The following TTC28 variants were observed in gnomAD, a reference collection of about 807,000 sequenced individuals.
The protein encoded by TTC28 is tetratricopeptide repeat domain 28.
Under a neutral mutation model 198.0 loss-of-function variants are expected in TTC28, and 61 were observed. That is an observed-to-expected ratio of 0.31 (90% CI 0.25 to 0.38). TTC28 has a LOEUF of 0.38. Among genes scored for constraint, TTC28 ranks in the 10% least tolerant of loss-of-function variants. The probability of loss-of-function intolerance (pLI) is 1.00; values close to 1 mark genes in which losing one functional copy is unlikely to be tolerated. For missense variants in TTC28, 2,678 were observed against 3,164.0 expected (o/e 0.85, Z 3.69); for synonymous variants, 1,171 against 1,297.8 (o/e 0.90, Z 2.10).
chr22:28,141,227 C>T (rs749625128), intron 6 of TTC28, among the ~76,000 whole-genome samples: 1 of 152,180 alleles, frequency 6.6e-6, no homozygotes, highest in African/African-American at 2.4e-5. Context: ...GTCAGCCTGG[C>T]TCCCTCCTTC....
chr22:28,357,087 T>A (rs1296205205), intron 2 of TTC28, among the ~76,000 whole-genome samples: 1 of 152,098 alleles, frequency 6.6e-6, no homozygotes, highest in Non-Finnish European at 1.5e-5. Context: ...TAAATAGGTA[T>A]CCTCATTTTA....
At chr22:28,012,025 G>C (rs1337270247) in intron 14 of TTC28, among the ~76,000 whole-genome samples, 1 of 152,242 alleles carries the variant, frequency 6.6e-6, no homozygotes, top group Non-Finnish European at 1.5e-5. Context: ...AGAATGGAGA[G>C]TCCAAATAAC....
intron 2 of TTC28, among the ~76,000 whole-genome samples, chr22:28,520,579 C>A (rs938788777): frequency 6.6e-6 from 1 of 152,094 alleles, no homozygotes; most frequent in Non-Finnish European, 1.5e-5. Context: ...CTTGTCTCTA[C>A]AAAAAGTAAA....
intron 6 of TTC28, among the ~76,000 whole-genome samples, chr22:28,129,515 T>C (rs776829542): frequency 1.6e-4 from 25 of 152,230 alleles, no homozygotes; most frequent in Admixed American, 9.8e-4. Context: ...ATTTCCTGGC[T>C]GTGTGATCTT....
intron 13 of TTC28, among the ~76,000 whole-genome samples, chr22:28,029,373 G>A (rs1448542476): frequency 6.6e-6 from 1 of 152,192 alleles, no homozygotes; most frequent in East Asian, 1.9e-4. Flanking sequence ...GCACAGCAGG[G>A]CTGCCAAGCA....
intron 5 of TTC28, among the ~76,000 whole-genome samples, chr22:28,266,518 A>G (rs1326073644): frequency 6.6e-6 from 1 of 152,176 alleles, no homozygotes; most frequent in Non-Finnish European, 1.5e-5. Context: ...AATAGATGTT[A>G]GCAAATGTGA....
At chr22:28,557,247 A>G (rs958300892) in intron 2 of TTC28, among the ~76,000 whole-genome samples, 1 of 152,104 alleles carries the variant, frequency 6.6e-6, no homozygotes, top group African/African-American at 2.4e-5. Context: ...ATCTCTTCCA[A>G]TATTGTCTCT....
intron 2 of TTC28, among the ~76,000 whole-genome samples, chr22:28,406,647 T>C (rs145241239): frequency 1.3e-3 from 198 of 152,322 alleles, no homozygotes; most frequent in African/African-American, 4.4e-3. Context: ...TTGGGGAAAA[T>C]GCTTTATTTC....
intron 2 of TTC28, among the ~76,000 whole-genome samples, chr22:28,479,400 A>G (rs1272188324): frequency 2.0e-5 from 3 of 152,228 alleles, no homozygotes; most frequent in Non-Finnish European, 4.4e-5. Flanking sequence ...TACTCTGCAC[A>G]TATATCCTCA....
At chr22:28,223,978 T>C (rs1172152493) in intron 5 of TTC28, among the ~76,000 whole-genome samples, 1 of 152,198 alleles carries the variant, frequency 6.6e-6, no homozygotes, top group Non-Finnish European at 1.5e-5. Flanking sequence ...TTTCATCCTC[T>C]ATAGCAATGA....
chr22:28,546,378 G>A (rs112742598), intron 2 of TTC28, among the ~76,000 whole-genome samples: 15,995 of 152,146 alleles, frequency 0.11, 1,145 homozygotes, highest in Non-Finnish European at 0.16. Flanking sequence ...CCCGGGAGGC[G>A]GGGGTTGCAG....
In TTC28 at chr22:28,163,439, A is replaced by C; in HGVS notation, c.1094T>G (p.Ile365Ser). Residue 365 changes from isoleucine to serine, a missense_variant, in exon 6 of 23, where the codon ATT becomes AGT. Around this residue, in one of 8 missense-constraint regions of TTC28, gnomAD observed 775 missense variants for 845.9 expected, o/e 0.92. Transcript: ENST00000397906. ...RELGNMGAVY[I>S]AMGDFENAVQ... ...AGCATTCTCAAAGTCACCCATGGCA[A>C]TATACACAGCTCCCATGTTGCCAAG... 1 of 1,551,776 alleles carries C rather than the reference A, an allele frequency of 6.4e-7. No individual in the cohort carries two copies. Among genetic ancestry groups the C allele is most frequent in the Non-Finnish European group, 8.7e-7 (1 of 1,147,012 alleles).
At position 28,456,092 on chromosome 22, in the gene TTC28, G is replaced by C. The variant is rs530225410; in HGVS notation, c.382-149449C>G. 9.2e-5 allele frequency among the ~76,000 whole-genome samples: 14 copies of C among 151,646 alleles called. No individual in the cohort carries two copies. The South Asian group carries it at 2.1e-3, about 23-fold the overall frequency. On this transcript the variant is annotated intron_variant, in intron 2 of 22. Transcript: ENST00000397906. ...GAGAATCACTCGAACCTGGGAGGTG[G>C]AGGTTGCAGTGAGCCGAGATTGCAC... is the stretch of plus-strand genomic sequence containing the variant.
In TTC28 at chr22:27,982,222, T is replaced by C. The variant is rs1937042919; in HGVS notation, c.7445A>G (p.Ter2482=). 2.7e-6 allele frequency: 4 copies of C among 1,464,548 alleles called. No homozygotes were observed. Among genetic ancestry groups the C allele is most frequent in the Non-Finnish European group, 3.6e-6 (4 of 1,107,752 alleles). 90.7% of individuals were successfully genotyped at this position (1,464,548 alleles called of 1,614,324 possible). ...GAGTCAGTGGGTATAAAAGATGCTTTAGCATTTGGAAGAAGGGAAAAATCT... is the reference window on the plus strand; with the variant it reads ...GAGTCAGTGGGTATAAAAGATGCTTCAGCATTTGGAAGAAGGGAAAAATCT... ...PGRFFPSSKC[*] The change falls in exon 23 of 23, where the codon TAA becomes TGA. Residue 2482 remains the stop codon, a stop_retained_variant. Coordinates refer to ENST00000397906, the MANE Select transcript of TTC28 (RefSeq NM_001145418.2). This position sits in a 1 kb window ranked among gnomAD's most constrained non-coding sequence, Gnocchi z 5.2.
intron 2 of TTC28, among the ~76,000 whole-genome samples, chr22:28,528,267 T>C (rs1158761494): frequency 2.0e-5 from 3 of 152,224 alleles, no homozygotes; most frequent in African/African-American, 7.2e-5. Flanking sequence ...ATAATTATGA[T>C]GTAATATATA....
At chr22:28,042,609 A>T (rs1939694088) in intron 12 of TTC28, among the ~76,000 whole-genome samples, 1 of 152,146 alleles carries the variant, frequency 6.6e-6, no homozygotes, top group Non-Finnish European at 1.5e-5. Flanking sequence ...GAGGGAGAGC[A>T]TTAGGAGAAA....
intron 17 of TTC28, among the ~76,000 whole-genome samples, chr22:27,993,908 C>T (rs539159193): frequency 6.8e-4 from 103 of 152,374 alleles, no homozygotes; most frequent in African/African-American, 2.4e-3. Flanking sequence ...CCCCTCACTG[C>T]CCACAGCCCA....
At chr22:28,590,034 CAAAAAAAAA>C (rs71194779) in intron 2 of TTC28, among the ~76,000 whole-genome samples, 16 of 68,052 alleles carry the variant, frequency 2.4e-4, no homozygotes, top group African/African-American at 7.2e-4. Flanking sequence ...AAGACTCCAT[CAAAAAAAAA>C]AAAAAAAAAA....
chr22:28,163,509 G>T lies in TTC28; in HGVS notation c.1024C>A (p.Leu342Ile), dbSNP rs1210944256. 6.4e-7 allele frequency: 1 copy of T among 1,551,814 alleles called. No homozygotes were observed. Among genetic ancestry groups the T allele is most frequent in the African/African-American group, 1.4e-5 (1 of 73,184 alleles). The stretch of plus-strand genomic sequence containing the variant: ...TCATCTTTGGATTGCTTGGCAAGAA[G>T]AACACACTGTTTGTGACTGGCCAGT... ...NALASHKQCV[L>I]LAKQSKDELS... The change falls in exon 6 of 23, where the codon CTT becomes ATT. Residue 342 changes from leucine (L) to isoleucine (I), a missense_variant. Physicochemically the swap from Leu to Ile is conservative, Grantham distance 5 (BLOSUM62 2). This residue lies in a region of TTC28 where 775 missense variants were observed against 845.9 expected (regional missense o/e 0.92). Transcript: ENST00000397906.
Sources: gnomAD v4.1 joint callset for allele counts (sites outside exome capture counted in the v4.1 genomes callset) on GRCh38, gnomAD v4.1.1 for gene constraint, gnomAD v4.1.1 regional missense constraint, Gnocchi (gnomAD v3.1) non-coding constraint, MANE v1.5 for transcripts, NCBI Gene and HGNC (gene_info 2026-07-23, HGNC 2026-07-21) for gene names.